PDS5B: variants seen among roughly 807,000 people sequenced by gnomAD.
PDS5B encodes the protein sister chromatid cohesion protein PDS5 homolog B.
A neutral mutation model predicts 184.1 loss-of-function variants in PDS5B; 51 were observed. The observed-to-expected ratio is 0.28, with a 90% confidence interval of 0.22 to 0.35. PDS5B has a LOEUF of 0.35. PDS5B is among the 10% of genes least tolerant of loss of function. PDS5B has a pLI of 1.00. For synonymous variants in PDS5B, 566 were observed against 569.2 expected, an observed-to-expected ratio of 0.99 and a Z score of 0.08; for missense variants, 1,180 against 1,723.3, an observed-to-expected ratio of 0.68 and a Z score of 5.58.
chr13:32,683,932 T>C lies in PDS5B; in HGVS notation c.1112T>C (p.Ile371Thr). 6.3e-7 allele frequency: 1 copy of C among 1,595,030 alleles called. No homozygotes were observed. The highest frequency in any genetic ancestry group is 1.7e-4 in the Middle Eastern group (1 of 5,944). ...DPEEAIRHDV[I>T]VSIVTAAKKD... ...GAGGAAGCTATTAGACATGATGTTA[T>C]TGTGTCAATAGTTACAGCTGCTAAA... is the stretch of plus-strand genomic sequence containing the variant. The change falls in exon 11 of 35, where the codon ATT (isoleucine) becomes ACT (threonine). Residue 371 changes from isoleucine (I) to threonine (T), a missense_variant. By Grantham distance (89) the Ile-to-Thr change is moderately conservative (BLOSUM62 -1). Around this residue, in one of 11 missense-constraint regions of PDS5B, gnomAD observed 475 missense variants for 691.5 expected, o/e 0.69. Coordinates refer to ENST00000315596, the MANE Select transcript of PDS5B (RefSeq NM_015032.4).
chr13:32,654,255 A>G (rs759686502), intron 3 of PDS5B, among the ~76,000 whole-genome samples: 1 of 152,162 alleles, frequency 6.6e-6, no homozygotes, highest in Non-Finnish European at 1.5e-5. Context: ...TATTTTGTCT[A>G]CAGTAGTGTT....
In PDS5B at chr13:32,741,118, TGAA is replaced by T. The variant is rs1338328140; in HGVS notation, c.2450_2452del (p.Glu817del). Reference sequence around the variant, plus strand: ...AGACAACTAAACTTTGGGTTCCAGATGAAGAAGTATCTCCTGAGACAATGGTCA... The same window carrying T: ...AGACAACTAAACTTTGGGTTCCAGATGAAGTATCTCCTGAGACAATGGTCA... On this transcript the variant is annotated inframe_deletion, in exon 22 of 35. Coordinates refer to ENST00000315596, the MANE Select transcript of PDS5B (RefSeq NM_015032.4). 6.3e-7 allele frequency: 1 copy of T among 1,580,208 alleles called. No individual in the cohort carries two copies. Among genetic ancestry groups the T allele is most frequent in the Non-Finnish European group, 8.7e-7 (1 of 1,153,222 alleles).
At chr13:32,769,985 C>T (rs539064817) in intron 31 of PDS5B, 136 bp from the exon 32 acceptor site, 201 of 648,392 alleles carry the variant, frequency 3.1e-4, no homozygotes, top group Non-Finnish European at 4.4e-4. Context: ...AAATACAGTT[C>T]TGGTGTATTT....
At position 32,593,869 on chromosome 13, in the gene PDS5B, C is replaced by T. The variant is rs138222232; in HGVS notation, c.-20+7276C>T. ...GAGAGAGAGGAGGTGGAAGAGGAGGCAGGAGAGGGAGGCGCACTGTAACTT... is the reference window on the plus strand; with the variant it reads ...GAGAGAGAGGAGGTGGAAGAGGAGGTAGGAGAGGGAGGCGCACTGTAACTT... On this transcript the variant is annotated intron_variant, in intron 1 of 34. Transcript: ENST00000315596. 3.1e-3 allele frequency among the ~76,000 whole-genome samples: 477 copies of T among 151,846 alleles called. 4 individuals carry two copies. Among genetic ancestry groups the T allele is most frequent in the Non-Finnish European group, 5.1e-3 (347 of 67,922 alleles).
intron 1 of PDS5B, among the ~76,000 whole-genome samples, chr13:32,628,662 G>C (rs1192229214): frequency 1.3e-5 from 2 of 150,168 alleles, no homozygotes; most frequent in East Asian, 1.9e-4. Flanking sequence ...TGTTATATTT[G>C]GTGTTTATTT....
chr13:32,642,649 CT>C (rs1950128527), intron 1 of PDS5B, among the ~76,000 whole-genome samples: 1 of 152,130 alleles, frequency 6.6e-6, no homozygotes, highest in Admixed American at 6.6e-5. Flanking sequence ...TAACCTCCCT[CT>C]TTGTTGTCTC....
At chr13:32,752,740 G>A (rs1182387551) in intron 24 of PDS5B, among the ~76,000 whole-genome samples, 2 of 152,114 alleles carry the variant, frequency 1.3e-5, no homozygotes, top group African/African-American at 2.4e-5. Context: ...AGGCACACGG[G>A]TAATAATCAG....
At chr13:32,685,575 T>C (rs994163542) in intron 11 of PDS5B, among the ~76,000 whole-genome samples, 2 of 152,212 alleles carry the variant, frequency 1.3e-5, no homozygotes, top group Non-Finnish European at 2.9e-5. Context: ...AAATTCTCTT[T>C]GAAGAAGAGG....
chr13:32,694,367 A>G (rs1326207035), intron 14 of PDS5B, 63 bp downstream of exon 14: 5 of 942,374 alleles, frequency 5.3e-6, no homozygotes, highest in African/African-American at 3.3e-5. Flanking sequence ...ACTATTTACC[A>G]TTGCTGCTAT....
At chr13:32,743,964 T>A (rs8001439) in intron 23 of PDS5B, among the ~76,000 whole-genome samples, 7,112 of 152,148 alleles carry the variant, frequency 0.047, 472 homozygotes, top group African/African-American at 0.15. Context: ...ACATTTGGCC[T>A]TATAAATCAA....
chr13:32,586,942 C>G (rs1244216681), intron 1 of PDS5B, among the ~76,000 whole-genome samples: 1 of 143,224 alleles, frequency 7.0e-6, no homozygotes, highest in Non-Finnish European at 1.5e-5. Flanking sequence ...CGGGCGGTGA[C>G]CTTGCGCGCG....
chr13:32,619,754 A>C (rs558230518), intron 1 of PDS5B, among the ~76,000 whole-genome samples: 2 of 152,172 alleles, frequency 1.3e-5, no homozygotes, highest in Non-Finnish European at 2.9e-5. Flanking sequence ...GTGGCCCCCA[A>C]AATGTAATAA....
chr13:32,746,734 C>T (rs147854698), intron 24 of PDS5B, among the ~76,000 whole-genome samples: 4 of 152,300 alleles, frequency 2.6e-5, no homozygotes, highest in East Asian at 1.9e-4. Flanking sequence ...ACACTGTTTA[C>T]GTATGAAAGC....
chr13:32,599,558 C>T (rs1250924893), intron 1 of PDS5B, among the ~76,000 whole-genome samples: 1 of 151,812 alleles, frequency 6.6e-6, no homozygotes, highest in African/African-American at 2.4e-5. Context: ...GATTACCACA[C>T]CTGGCCTATT....
At chr13:32,763,905 T>TATAA (rs1284406359) in intron 30 of PDS5B, among the ~76,000 whole-genome samples, 3 of 152,130 alleles carry the variant, frequency 2.0e-5, no homozygotes, top group Admixed American at 1.3e-4. Context: ...TTCAACAACA[T>TATAA]ATAAATAGTT....
chr13:32,675,631 CT>C (rs1951044859), intron 8 of PDS5B, among the ~76,000 whole-genome samples: 1 of 152,102 alleles, frequency 6.6e-6, no homozygotes, highest in South Asian at 2.1e-4. Flanking sequence ...ATGAAAGGTA[CT>C]TCTTTAATGG....
At chr13:32,695,837 T>A (rs1951686031) in intron 14 of PDS5B, among the ~76,000 whole-genome samples, 1 of 152,082 alleles carries the variant, frequency 6.6e-6, no homozygotes, top group Non-Finnish European at 1.5e-5. Context: ...CAGTCTCAAT[T>A]CAGCTAGAAT....
chr13:32,757,539 GT>G (rs141910562), intron 26 of PDS5B, among the ~76,000 whole-genome samples: 7,060 of 152,216 alleles, frequency 0.046, 475 homozygotes, highest in African/African-American at 0.15. Flanking sequence ...ACGTAATTAA[GT>G]TTAAAACTGA....
At chr13:32,664,450 A>G (rs1363773788) in intron 6 of PDS5B, among the ~76,000 whole-genome samples, 1 of 152,244 alleles carries the variant, frequency 6.6e-6, no homozygotes, top group Non-Finnish European at 1.5e-5. Context: ...AATTGTTATA[A>G]TTGACTGAAA....
Sources: gnomAD v4.1 joint callset for allele counts (sites outside exome capture counted in the v4.1 genomes callset) on GRCh38, gnomAD v4.1.1 for gene constraint, gnomAD v4.1.1 regional missense constraint, MANE v1.5 for transcripts, NCBI Gene and HGNC (gene_info 2026-07-23, HGNC 2026-07-21) for gene names.